Variants in ADRA1A observed in about 807,000 individuals in gnomAD.
ADRA1A encodes the protein adrenoceptor alpha 1A.
ADRA1A carries 31 observed loss-of-function variants against 29.6 expected under a neutral mutation model. That is an observed-to-expected ratio of 1.05 (90% CI 0.79 to 1.41). ADRA1A has a LOEUF of 1.41. Among genes scored for constraint, ADRA1A ranks in the 40% most tolerant of loss-of-function variants. The pLI is 0.00. For missense variants in ADRA1A, 619 were observed against 601.1 expected (o/e 1.03, Z -0.31); for synonymous variants, 311 against 254.3 (o/e 1.22, Z -2.12).
At chr8:26,758,660 T>C (rs1805329831) in intron 2 of ADRA1A, among the ~76,000 whole-genome samples, 1 of 152,180 alleles carries the variant, frequency 6.6e-6, no homozygotes, top group African/African-American at 2.4e-5. Flanking sequence ...TCCCAGTCCA[T>C]CATCGGTCTT....
Position 26,831,758 on chromosome 8 carries a change from G to GA in ADRA1A, c.883+32328dup, listed in dbSNP as rs1163644097. 6.6e-6 allele frequency among the ~76,000 whole-genome samples: 1 copy of GA among 152,222 alleles called. No individual in the cohort carries two copies. Among genetic ancestry groups the GA allele is most frequent in the Admixed American group, 6.5e-5 (1 of 15,290 alleles). ...GAAGGACCCTTTTGGGCCTTGGGGG[G>GA]AACACGCTGCATGCAGCTTCCTTTC... On this transcript the variant is annotated intron_variant, in intron 2 of 2. Coordinates refer to ENST00000380573, the MANE Select transcript of ADRA1A (RefSeq NM_000680.4). This position sits in a 1 kb window ranked among gnomAD's most constrained non-coding sequence, Gnocchi z 5.2.
chr8:26,823,121 GT>G lies in ADRA1A; in HGVS notation c.883+40965del, dbSNP rs1810300446. 6.6e-6 allele frequency among the ~76,000 whole-genome samples: 1 copy of G among 152,242 alleles called. No individual in the cohort carries two copies. The highest frequency in any genetic ancestry group is 1.5e-5 in the Non-Finnish European group (1 of 68,000). On this transcript the variant is annotated intron_variant, in intron 2 of 2. Coordinates refer to ENST00000380573, the MANE Select transcript of ADRA1A (RefSeq NM_000680.4). The surrounding 1 kb of genome is among the most constrained non-coding windows in gnomAD (Gnocchi z 4.2). The stretch of plus-strand genomic sequence containing the variant: ...TTCCAACTGTGAACTGTAATTTTTT[GT>G]TATAGGCATTAACAGAAGAACAAAC...
chr8:26,793,303 T>C (rs1316874348), intron 2 of ADRA1A, among the ~76,000 whole-genome samples: 1 of 151,946 alleles, frequency 6.6e-6, no homozygotes, highest in Non-Finnish European at 1.5e-5. Flanking sequence ...AAGTTTTCAG[T>C]TTAAGAGTAA....
At chr8:26,861,281 T>C (rs1459666490) in intron 2 of ADRA1A, among the ~76,000 whole-genome samples, 7 of 149,398 alleles carry the variant, frequency 4.7e-5, no homozygotes, top group African/African-American at 7.4e-5. Flanking sequence ...CTGTTTTTCC[T>C]GACCTGACCC....
intron 2 of ADRA1A, among the ~76,000 whole-genome samples, chr8:26,810,903 C>G (rs1809334826): frequency 1.3e-5 from 2 of 151,758 alleles, no homozygotes; most frequent in Non-Finnish European, 1.5e-5. Flanking sequence ...AAATCAATTA[C>G]CTGACAAAAA....
Position 26,775,575 on chromosome 8 carries a change from C to G in ADRA1A, c.884-4909G>C, listed in dbSNP as rs1440579031. Among the ~76,000 whole-genome samples, 1 of 152,174 alleles carries G rather than the reference C, an allele frequency of 6.6e-6. No homozygotes were observed. Among genetic ancestry groups the G allele is most frequent in the Non-Finnish European group, 1.5e-5 (1 of 68,018 alleles). On this transcript the variant is annotated intron_variant, in intron 2 of 2. Transcript: ENST00000380573. The surrounding 1 kb of genome is among the most constrained non-coding windows in gnomAD (Gnocchi z 4.1). ...TCAACAATCTCTGCTTCAAGAAGAG[C>G]CAACAGCTCCTGACTTAATCCCCTG...
chr8:26,808,539 G>A (rs1248496527), intron 2 of ADRA1A, among the ~76,000 whole-genome samples: 1 of 152,188 alleles, frequency 6.6e-6, no homozygotes, highest in African/African-American at 2.4e-5. Context: ...TGATGACAAA[G>A]CCCCATTGCG....
At chr8:26,798,134 A>G (rs1808315113) in intron 2 of ADRA1A, among the ~76,000 whole-genome samples, 1 of 152,168 alleles carries the variant, frequency 6.6e-6, no homozygotes, top group South Asian at 2.1e-4. Flanking sequence ...GCTTGCCACC[A>G]CACCTATCTA....
At chr8:26,785,547 A>ATTT (rs11416292) in intron 2 of ADRA1A, among the ~76,000 whole-genome samples, 1 of 151,296 alleles carries the variant, frequency 6.6e-6, no homozygotes, top group African/African-American at 2.4e-5. Flanking sequence ...TGACACATTG[A>ATTT]TTTTTTTTTC....
At position 26,775,441 on chromosome 8, in the gene ADRA1A, A is replaced by G. The variant is rs940799525; in HGVS notation, c.884-4775T>C. Among the ~76,000 whole-genome samples, 2 of 151,942 alleles carry G rather than the reference A, an allele frequency of 1.3e-5. No individual in the cohort carries two copies. Among genetic ancestry groups the G allele is most frequent in the Non-Finnish European group, 2.9e-5 (2 of 67,964 alleles). On this transcript the variant is annotated intron_variant, in intron 2 of 2. Transcript: ENST00000380573. The surrounding 1 kb of genome is among the most constrained non-coding windows in gnomAD (Gnocchi z 4.1). ...TCCTTGCTCTATCATCTGGCATCAG[A>G]CCCTCTAGTTTTTCTCATGATGCTT...
At chr8:26,800,811 A>T (rs986068148) in intron 2 of ADRA1A, among the ~76,000 whole-genome samples, 1 of 152,118 alleles carries the variant, frequency 6.6e-6, no homozygotes, top group Non-Finnish European at 1.5e-5. Flanking sequence ...TCAAAAAGAG[A>T]CATAAAAAAC....
intron 2 of ADRA1A, among the ~76,000 whole-genome samples, chr8:26,803,301 T>G (rs2130494533): frequency 6.6e-6 from 1 of 152,292 alleles, no homozygotes; most frequent in Admixed American, 6.5e-5. Flanking sequence ...TCTGATACGA[T>G]TATTACACAG....
At chr8:26,811,628 G>C (rs751699306) in intron 2 of ADRA1A, among the ~76,000 whole-genome samples, 1 of 152,174 alleles carries the variant, frequency 6.6e-6, no homozygotes, top group South Asian at 2.1e-4. Flanking sequence ...GAGATTTTGC[G>C]ATCACTCTTA....
At chr8:26,797,663 G>A (rs182521452) in intron 2 of ADRA1A, among the ~76,000 whole-genome samples, 16 of 152,104 alleles carry the variant, frequency 1.1e-4, no homozygotes, top group African/African-American at 3.9e-4. Context: ...TTTGAATATT[G>A]TAAATATCAA....
chr8:26,823,868 G>A lies in ADRA1A; in HGVS notation c.883+40219C>T, dbSNP rs911575162. Among the ~76,000 whole-genome samples the A allele has an allele frequency of 2.0e-5, 3 of 152,178 alleles. No individual in the cohort carries two copies. Among genetic ancestry groups the A allele is most frequent in the Admixed American group, 6.5e-5 (1 of 15,282 alleles). The stretch of plus-strand genomic sequence containing the variant: ...AAACCCCACAATATAGTAAGACAGC[G>A]GCAGAATTGGAAATGAAATCTTCAT... On this transcript the variant is annotated intron_variant, in intron 2 of 2. Coordinates refer to ENST00000380573, the MANE Select transcript of ADRA1A (RefSeq NM_000680.4). This position sits in a 1 kb window ranked among gnomAD's most constrained non-coding sequence, Gnocchi z 4.2.
rs1028689621 is a variant in ADRA1A at position 26,865,347 on chromosome 8, G to A, written c.-378C>T. 2 of 1,073,046 alleles carry A rather than the reference G, an allele frequency of 1.9e-6. No individual in the cohort carries two copies. Among genetic ancestry groups the A allele is most frequent in the Admixed American group, 9.7e-5 (2 of 20,658 alleles). 66.5% of individuals were successfully genotyped at this position (1,073,046 alleles called of 1,614,324 possible). On this transcript the variant is annotated 5_prime_UTR_variant, in exon 2 of 3. Transcript: ENST00000380573. This position sits in a 1 kb window ranked among gnomAD's most constrained non-coding sequence, Gnocchi z 7.6. Reference sequence around the variant, plus strand: ...GAATTACGAGAATCTGCTTTTCCGCGCTGTCTTATTCGTCCTGGCTGGGGG... The same window carrying A: ...GAATTACGAGAATCTGCTTTTCCGCACTGTCTTATTCGTCCTGGCTGGGGG...
downstream of ADRA1A, among the ~76,000 whole-genome samples, chr8:26,756,069 G>T (rs1461627149): frequency 1.3e-5 from 2 of 152,084 alleles, no homozygotes; most frequent in African/African-American, 2.4e-5. Context: ...TATCACACTT[G>T]CTTCCCCACT....
Position 26,770,391 on chromosome 8 carries a change from T to G in ADRA1A, c.1159A>C (p.Arg387=), listed in dbSNP as rs771483951. 1 of 1,614,248 alleles carries G rather than the reference T, an allele frequency of 6.2e-7. No homozygotes were observed. The highest frequency in any genetic ancestry group is 8.5e-7 in the Non-Finnish European group (1 of 1,180,036). ...IPVGSRETFY[R]ISKTDGVCEW... is the part of the protein sequence containing the mutation. ...CAAACGCCATCCGTCTTGGAGATCC[T>G]GTAGAAGGTCTCTCTTGATCCCACG... The change falls in exon 3 of 3, where the codon AGG becomes CGG. Residue 387 remains arginine, a synonymous_variant. Transcript: ENST00000380573.
At position 26,805,199 on chromosome 8, in the gene ADRA1A, C is replaced by T. The variant is rs1808883284; in HGVS notation, c.884-34533G>A. Among the ~76,000 whole-genome samples, 1 of 152,210 alleles carries T rather than the reference C, an allele frequency of 6.6e-6. No homozygotes were observed. The highest frequency in any genetic ancestry group is 6.5e-5 in the Admixed American group (1 of 15,276). On this transcript the variant is annotated intron_variant, in intron 2 of 2. Transcript: ENST00000380573. This position sits in a 1 kb window ranked among gnomAD's most constrained non-coding sequence, Gnocchi z 4.8. ...ACCAAGAATGGGGCTCTCACCTCTGCCTACCTGGCTCTTCACGTGAAGTCG... is the reference window on the plus strand; with the variant it reads ...ACCAAGAATGGGGCTCTCACCTCTGTCTACCTGGCTCTTCACGTGAAGTCG...
Sources: allele counts gnomAD v4.1 joint callset (sites outside exome capture counted in the v4.1 genomes callset), GRCh38; gene constraint gnomAD v4.1.1; non-coding constraint Gnocchi (gnomAD v3.1); transcripts MANE v1.5; gene names NCBI Gene and HGNC (gene_info 2026-07-23, HGNC 2026-07-21).